ADGRB3: variants seen among roughly 807,000 people sequenced by gnomAD.
ADGRB3 encodes the protein brain-specific angiogenesis inhibitor 3.
ADGRB3 carries 37 observed loss-of-function variants against 193.4 expected under a neutral mutation model. The ratio of observed to expected loss-of-function variants is 0.19; its 90% CI spans 0.15 to 0.25. ADGRB3 has a LOEUF of 0.25. Among genes scored for constraint, ADGRB3 ranks in the 10% least tolerant of loss-of-function variants. ADGRB3 has a pLI of 1.00. For synonymous variants in ADGRB3, 690 were observed against 644.2 expected, an observed-to-expected ratio of 1.07 and a Z score of -1.08; for missense variants, 1,637 against 1,852.9, an observed-to-expected ratio of 0.88 and a Z score of 2.14.
chr6:69,150,289 A>G (rs1332937001), intron 17 of ADGRB3, among the ~76,000 whole-genome samples: 2 of 152,116 alleles, frequency 1.3e-5, no homozygotes, highest in Non-Finnish European at 2.9e-5. Context: ...GCACGCTATT[A>G]TACTGTAGCT....
chr6:68,895,221 AT>A (rs35758730), intron 3 of ADGRB3, among the ~76,000 whole-genome samples: 111,241 of 147,420 alleles, frequency 0.75, 42,121 homozygotes, highest in Middle Eastern at 0.84. Flanking sequence ...GCTGAGACTA[AT>A]TTTTTTTTTT....
intron 17 of ADGRB3, among the ~76,000 whole-genome samples, chr6:69,111,043 T>A (rs1773353299): frequency 6.6e-6 from 1 of 152,208 alleles, no homozygotes; most frequent in Non-Finnish European, 1.5e-5. Context: ...GTAAAAATAA[T>A]TTTAGTTTTT....
At chr6:68,945,636 T>C (rs1767756714) in intron 6 of ADGRB3, among the ~76,000 whole-genome samples, 1 of 152,126 alleles carries the variant, frequency 6.6e-6, no homozygotes, top group Non-Finnish European at 1.5e-5. Flanking sequence ...TAGAAACTTT[T>C]TAAATACTTT....
chr6:68,830,338 T>A (rs1767928628), intron 3 of ADGRB3, among the ~76,000 whole-genome samples: 1 of 152,112 alleles, frequency 6.6e-6, no homozygotes, highest in Non-Finnish European at 1.5e-5. Context: ...AGAAATGGAA[T>A]TTATAATGTG....
chr6:68,938,690 G>A (rs1767552841), intron 5 of ADGRB3, among the ~76,000 whole-genome samples: 1 of 151,992 alleles, frequency 6.6e-6, no homozygotes, highest in Non-Finnish European at 1.5e-5. Context: ...TTTTAGAAAT[G>A]AAATCTTCAT....
chr6:68,925,743 T>G (rs1239271082), intron 3 of ADGRB3, among the ~76,000 whole-genome samples: 1 of 152,032 alleles, frequency 6.6e-6, no homozygotes, highest in Non-Finnish European at 1.5e-5. Context: ...AGCTCAATAA[T>G]ATTTTGATTA....
intron 20 of ADGRB3, among the ~76,000 whole-genome samples, chr6:69,287,075 G>A (rs935503915): frequency 7.2e-5 from 11 of 152,084 alleles, no homozygotes; most frequent in Admixed American, 7.2e-4. Flanking sequence ...ATAATGTTTT[G>A]TATTGCACAA....
chr6:68,919,310 G>T (rs1026890906), intron 3 of ADGRB3, among the ~76,000 whole-genome samples: 1 of 151,524 alleles, frequency 6.6e-6, no homozygotes, highest in Admixed American at 6.6e-5. Context: ...TATTTATTTT[G>T]GGCACTGTGT....
rs185248908 is a variant in ADGRB3, at chr6:69,130,581, C to T, written c.2480+54543C>T. 2.7e-3 allele frequency among the ~76,000 whole-genome samples: 405 copies of T among 150,470 alleles called. 1 individual carries two copies. Among genetic ancestry groups the T allele is most frequent in the African/African-American group, 9.7e-3 (399 of 41,182 alleles). On this transcript the variant is annotated intron_variant, in intron 17 of 31. Coordinates refer to ENST00000370598, the MANE Select transcript of ADGRB3 (RefSeq NM_001704.3). ...GTCAATTCAAAATAGAAATTCAGCC[C>T]CCCGACTGGGCTCCTTTTTTTTCCT...
At chr6:68,733,926 G>A (rs556065385) in intron 3 of ADGRB3, among the ~76,000 whole-genome samples, 127 of 151,592 alleles carry the variant, frequency 8.4e-4, no homozygotes, top group African/African-American at 2.9e-3. Flanking sequence ...GCCACGATGT[G>A]CATTATTTCA....
chr6:68,845,619 G>A (rs1222022028), intron 3 of ADGRB3, among the ~76,000 whole-genome samples: 2 of 152,108 alleles, frequency 1.3e-5, no homozygotes, highest in South Asian at 2.1e-4. Flanking sequence ...TAAGTGTCAC[G>A]AGATCTGATG....
chr6:68,911,755 TTTTCA>T (rs1433334470), intron 3 of ADGRB3, among the ~76,000 whole-genome samples: 1 of 152,354 alleles, frequency 6.6e-6, no homozygotes, highest in Admixed American at 6.5e-5. Flanking sequence ...TCATGATGTC[TTTTCA>T]TTTGGAAATT....
intron 11 of ADGRB3, among the ~76,000 whole-genome samples, chr6:68,997,693 G>A (rs2150277139): frequency 6.6e-6 from 1 of 150,764 alleles, no homozygotes; most frequent in African/African-American, 2.4e-5. Flanking sequence ...ATAAAATTAT[G>A]AATTAGGATC....
At chr6:69,251,871 A>G (rs1016368854) in intron 20 of ADGRB3, among the ~76,000 whole-genome samples, 3 of 152,174 alleles carry the variant, frequency 2.0e-5, no homozygotes, top group African/African-American at 7.2e-5. Flanking sequence ...TTAGATCTCA[A>G]GAACTTATTG....
At chr6:69,295,408 C>A (rs1458194290) in intron 20 of ADGRB3, among the ~76,000 whole-genome samples, 1 of 152,036 alleles carries the variant, frequency 6.6e-6, no homozygotes, top group Non-Finnish European at 1.5e-5. Context: ...CTTCCCCTAC[C>A]ATTTCCATAT....
intron 10 of ADGRB3, among the ~76,000 whole-genome samples, chr6:68,991,048 G>A (rs1296626307): frequency 1.3e-5 from 2 of 151,934 alleles, no homozygotes; most frequent in Admixed American, 6.6e-5. Context: ...AAGAGCAAAA[G>A]GACAAGTGCA....
intron 13 of ADGRB3, among the ~76,000 whole-genome samples, chr6:69,028,994 C>G (rs1406070376): frequency 6.6e-6 from 1 of 152,094 alleles, no homozygotes; most frequent in African/African-American, 2.4e-5. Flanking sequence ...AGAGGGGTAC[C>G]CACATAATTT....
intron 20 of ADGRB3, among the ~76,000 whole-genome samples, chr6:69,293,180 T>C (rs1010483510): frequency 1.3e-5 from 2 of 152,172 alleles, no homozygotes; most frequent in African/African-American, 4.8e-5. Context: ...AAATACAAAT[T>C]GTTAAAAGTA....
chr6:69,073,340 C>A (rs1772133768), intron 16 of ADGRB3, among the ~76,000 whole-genome samples: 1 of 152,082 alleles, frequency 6.6e-6, no homozygotes. Context: ...CAGTGGGGCC[C>A]AGCAAGGGAG....
Sources: allele counts gnomAD v4.1 joint callset (sites outside exome capture counted in the v4.1 genomes callset), GRCh38; gene constraint gnomAD v4.1.1; transcripts MANE v1.5; gene names NCBI Gene and HGNC (gene_info 2026-07-23, HGNC 2026-07-21).